Variants in ALK observed in about 807,000 individuals in gnomAD.
ALK encodes ALK tyrosine kinase receptor.
Under a neutral mutation model 163.1 loss-of-function variants are expected in ALK, and 74 were observed. The ratio of observed to expected loss-of-function variants is 0.45; its 90% CI spans 0.38 to 0.55. The LOEUF is 0.55. Among genes scored for constraint, ALK ranks in the 20% least tolerant of loss-of-function variants. The pLI is 0.00. For synonymous variants in ALK, 960 were observed against 843.2 expected (o/e 1.14, Z -2.40); for missense variants, 2,063 against 2,105.3 (o/e 0.98, Z 0.39).
At chr2:29,554,203 T>C (rs772018269) in intron 3 of ALK, among the ~76,000 whole-genome samples, 4 of 152,152 alleles carry the variant, frequency 2.6e-5, no homozygotes, top group Non-Finnish European at 5.9e-5. Context: ...TGGCTGGAAA[T>C]TTTAAGCATA....
chr2:29,337,209 T>C (rs779882155), intron 5 of ALK, among the ~76,000 whole-genome samples: 4 of 152,186 alleles, frequency 2.6e-5, no homozygotes, highest in Admixed American at 6.5e-5. Flanking sequence ...GCTTTGGGCC[T>C]CCTCAGTTGT....
intron 3 of ALK, among the ~76,000 whole-genome samples, chr2:29,567,593 T>C (rs1674229163): frequency 6.6e-6 from 1 of 152,172 alleles, no homozygotes; most frequent in African/African-American, 2.4e-5. Flanking sequence ...ACTTATTGCT[T>C]CACCTGAAAA....
chr2:29,343,995 G>T (rs1294120269), intron 5 of ALK, among the ~76,000 whole-genome samples: 1 of 152,154 alleles, frequency 6.6e-6, no homozygotes, highest in African/African-American at 2.4e-5. Context: ...AAGACTTGAT[G>T]GGAAAAATCT....
chr2:29,600,266 G>A (rs1675345207), intron 3 of ALK, among the ~76,000 whole-genome samples: 1 of 152,114 alleles, frequency 6.6e-6, no homozygotes, highest in South Asian at 2.1e-4. Context: ...ACCACAAAAG[G>A]CAGACAACAA....
At chr2:29,221,010 G>A in intron 22 of ALK, 175 bp from the exon 23 acceptor site, 1 of 854,572 alleles carries the variant, frequency 1.2e-6, no homozygotes, top group Non-Finnish European at 1.9e-6. Flanking sequence ...TCTTGCTGGT[G>A]AGCAGGTGGG....
At chr2:29,543,228 T>C (rs1468604011) in intron 3 of ALK, among the ~76,000 whole-genome samples, 1 of 152,274 alleles carries the variant, frequency 6.6e-6, no homozygotes, top group East Asian at 1.9e-4. Context: ...AGGAAACATA[T>C]GGCAAGAAAA....
intron 5 of ALK, among the ~76,000 whole-genome samples, chr2:29,333,541 A>G (rs1038564031): frequency 6.6e-6 from 1 of 152,094 alleles, no homozygotes; most frequent in African/African-American, 2.4e-5. Flanking sequence ...AGGATGCAAA[A>G]CTATTTATCA....
rs747529982 is a variant in ALK, at chr2:29,232,389, G to A, written c.2547C>T (p.Tyr849=). 28 of 1,614,108 alleles carry A rather than the reference G, an allele frequency of 1.7e-5. No homozygotes were observed. The highest frequency in any genetic ancestry group is 4.0e-5 in the African/African-American group (3 of 74,936). ...IIAAGGGGRA[Y]GAKTDTFHPE... ...GGTGGAACGTGTCTGTCTTGGCCCC[G>A]TAGGCCCTGCCACCACCTCCGGCTG... The change falls in exon 15 of 29, where the codon TAC becomes TAT. Residue 849 remains tyrosine (Y), a synonymous_variant. Coordinates refer to ENST00000389048, the MANE Select transcript of ALK (RefSeq NM_004304.5).
chr2:29,778,982 G>A (rs559050803), intron 1 of ALK, among the ~76,000 whole-genome samples: 98 of 151,804 alleles, frequency 6.5e-4, no homozygotes, highest in Middle Eastern at 3.4e-3. Flanking sequence ...GGTGAAACCC[G>A]GTCTCTACTA....
At chr2:29,278,353 T>A (rs537072119) in intron 9 of ALK, among the ~76,000 whole-genome samples, 1 of 152,266 alleles carries the variant, frequency 6.6e-6, no homozygotes, top group Non-Finnish European at 1.5e-5. Flanking sequence ...ACTGGAGGTT[T>A]CTAACAGGAC....
chr2:29,297,098 T>C (rs1468196973), intron 8 of ALK, 41 bp from the exon 9 acceptor site: 1 of 1,612,990 alleles, frequency 6.2e-7, no homozygotes, highest in African/African-American at 1.3e-5. Context: ...GTATGATTGC[T>C]GAAAGGTCCC....
chr2:29,329,596 AC>A (rs1030395331), intron 5 of ALK, among the ~76,000 whole-genome samples: 3 of 152,184 alleles, frequency 2.0e-5, no homozygotes, highest in Admixed American at 6.5e-5. Flanking sequence ...CTAGGACCCC[AC>A]TTGGCTAAGT....
chr2:29,693,121 C>G lies in ALK; in HGVS notation c.952+1729G>C, dbSNP rs562786701. Among the ~76,000 whole-genome samples, 4 of 152,148 alleles carry G rather than the reference C, an allele frequency of 2.6e-5. No homozygotes were observed. In the East Asian group the frequency reaches 7.7e-4, roughly 29 times the overall value. The stretch of plus-strand genomic sequence containing the variant: ...TGGAGGGTGGGGAAAAGTTTGTGAT[C>G]TAGGTGGGATACAGGAAACTCCAAA... On this transcript the variant is annotated intron_variant, in intron 3 of 28. Coordinates refer to ENST00000389048, the MANE Select transcript of ALK (RefSeq NM_004304.5).
chr2:29,804,409 G>A (rs535743780), intron 1 of ALK, among the ~76,000 whole-genome samples: 1 of 152,338 alleles, frequency 6.6e-6, no homozygotes, highest in South Asian at 2.1e-4. Context: ...ACGGACTAAT[G>A]CCCAGCATTG....
intron 1 of ALK, among the ~76,000 whole-genome samples, chr2:29,733,125 A>G (rs1679792521): frequency 6.6e-6 from 1 of 152,158 alleles, no homozygotes; most frequent in African/African-American, 2.4e-5. Context: ...CAAGAGGAAG[A>G]TACACAATTG....
intron 1 of ALK, among the ~76,000 whole-genome samples, chr2:29,755,203 C>T (rs1281958558): frequency 6.6e-6 from 1 of 152,212 alleles, no homozygotes; most frequent in Non-Finnish European, 1.5e-5. Context: ...AGCCAGGGGA[C>T]CAGCCCTCTT....
chr2:29,686,665 T>G (rs1678250237), intron 3 of ALK, among the ~76,000 whole-genome samples: 1 of 152,124 alleles, frequency 6.6e-6, no homozygotes, highest in Non-Finnish European at 1.5e-5. Flanking sequence ...CATGCCTATC[T>G]CCCTATCTCC....
At chr2:29,591,025 C>T (rs1438250203) in intron 3 of ALK, among the ~76,000 whole-genome samples, 1 of 130,160 alleles carries the variant, frequency 7.7e-6, no homozygotes, top group Non-Finnish European at 1.5e-5. Context: ...GAGCCGAGAT[C>T]GCGCCACCGC....
chr2:29,326,142 T>C (rs1457499339), intron 6 of ALK, among the ~76,000 whole-genome samples: 1 of 152,148 alleles, frequency 6.6e-6, no homozygotes, highest in African/African-American at 2.4e-5. Flanking sequence ...TTTTCAAATG[T>C]GGCTGAAAAA....
Sources: gnomAD v4.1 joint callset for allele counts (sites outside exome capture counted in the v4.1 genomes callset) on GRCh38, gnomAD v4.1.1 for gene constraint, MANE v1.5 for transcripts, NCBI Gene and HGNC (gene_info 2026-07-23, HGNC 2026-07-21) for gene names.